DHX9: variants seen among roughly 807,000 people sequenced by gnomAD.
DHX9 encodes ATP-dependent RNA helicase A.
A neutral mutation model predicts 148.7 loss-of-function variants in DHX9; 27 were observed. That is an observed-to-expected ratio of 0.18 (90% CI 0.13 to 0.25). The LOEUF is 0.25. Ranked by LOEUF, DHX9 falls within the 10% of genes least tolerant of loss-of-function variation. The probability of loss-of-function intolerance (pLI) is 1.00; values close to 1 mark genes in which losing one functional copy is unlikely to be tolerated. For missense variants in DHX9, 796 were observed against 1,559.6 expected (o/e 0.51, Z 8.25); for synonymous variants, 529 against 516.6 (o/e 1.02, Z -0.33).
At chr1:182,863,617 G>A (rs1648098389) in intron 12 of DHX9, among the ~76,000 whole-genome samples, 1 of 152,218 alleles carries the variant, frequency 6.6e-6, no homozygotes, top group Non-Finnish European at 1.5e-5. Context: ...GAAGATCAAG[G>A]GAAAAGTGAT....
intron 21 of DHX9, among the ~76,000 whole-genome samples, chr1:182,880,213 T>TA (rs772390665): frequency 2.6e-5 from 4 of 152,212 alleles, no homozygotes; most frequent in African/African-American, 4.8e-5. Flanking sequence ...TGTAGAAACT[T>TA]ACGCTGCTAT....
chr1:182,869,287 C>T (rs73043170), intron 14 of DHX9, among the ~76,000 whole-genome samples: 2,934 of 150,496 alleles, frequency 0.019, 105 homozygotes, highest in African/African-American at 0.068. Context: ...CGGTCTTATC[C>T]GGTTCGGCCC....
chr1:182,886,537 T>TA (rs1181240749), intron 27 of DHX9, among the ~76,000 whole-genome samples: 1 of 152,152 alleles, frequency 6.6e-6, no homozygotes, highest in African/African-American at 2.4e-5. Flanking sequence ...TTGGTGGTGT[T>TA]ATTCTCGAAG....
At chr1:182,882,355 C>A (rs1649121942) in intron 24 of DHX9, among the ~76,000 whole-genome samples, 1 of 152,162 alleles carries the variant, frequency 6.6e-6, no homozygotes, top group Admixed American at 6.5e-5. Context: ...TATGTCTGTG[C>A]TTTCAGCGGT....
intron 4 of DHX9, 95 bp from the exon 5 acceptor site, chr1:182,853,211 C>A: frequency 1.2e-6 from 1 of 868,324 alleles, no homozygotes; most frequent in Non-Finnish European, 1.8e-6. Flanking sequence ...AGATGTGAGC[C>A]TCCATGCCCG....
At chr1:182,843,129 CT>C (rs1304491273) in intron 2 of DHX9, among the ~76,000 whole-genome samples, 164 bp from the exon 3 acceptor site, 2 of 152,136 alleles carry the variant, frequency 1.3e-5, no homozygotes, top group African/African-American at 2.4e-5. Flanking sequence ...ACAATTTAAG[CT>C]TTTTCAGTAG....
At chr1:182,843,255 C>G in intron 2 of DHX9, 39 bp from the exon 3 acceptor site, 1 of 1,495,344 alleles carries the variant, frequency 6.7e-7, no homozygotes, top group Non-Finnish European at 8.9e-7. Context: ...CTCAGAATTA[C>G]CCAGGTCAGT....
chr1:182,841,831 G>A lies in DHX9; in HGVS notation c.-22-714G>A, dbSNP rs923120888. The stretch of plus-strand genomic sequence containing the variant: ...ATTTTATAGACTTGTTGCACTTCAA[G>A]AAAACTTTAATATCCTCAAATTTTA... On this transcript the variant is annotated intron_variant, in intron 1 of 27. Coordinates refer to ENST00000367549, the MANE Select transcript of DHX9 (RefSeq NM_001357.5). Among the ~76,000 whole-genome samples, 18 of 152,190 alleles carry A rather than the reference G, an allele frequency of 1.2e-4. No individual in the cohort carries two copies. In the East Asian group the frequency reaches 2.7e-3, roughly 23 times the overall value.
At chr1:182,867,123 T>C (rs1211966055) in intron 14 of DHX9, 80 bp downstream of exon 14, 2 of 845,990 alleles carry the variant, frequency 2.4e-6, no homozygotes, top group South Asian at 2.7e-5. Flanking sequence ...TTGTTTTCCC[T>C]TTCCCCCGTT....
intron 20 of DHX9, 40 bp from the exon 21 acceptor site, chr1:182,879,210 A>G (rs1300478669): frequency 7.0e-7 from 1 of 1,419,894 alleles, no homozygotes; most frequent in East Asian, 2.4e-5. Flanking sequence ...ATCTGTGTAT[A>G]CACAAGGAGG....
At chr1:182,861,834 A>G (rs1457812197) in intron 12 of DHX9, among the ~76,000 whole-genome samples, 2 of 152,168 alleles carry the variant, frequency 1.3e-5, no homozygotes, top group Non-Finnish European at 2.9e-5. Flanking sequence ...TCAGTCTCAT[A>G]CCTCTTACCT....
chr1:182,874,560 C>T (rs749787649), intron 15 of DHX9, among the ~76,000 whole-genome samples: 2 of 152,118 alleles, frequency 1.3e-5, no homozygotes, highest in Non-Finnish European at 1.5e-5. Flanking sequence ...ATAACTCCCA[C>T]ACAATGGAAG....
chr1:182,852,011 C>T (rs1345169242), intron 3 of DHX9, among the ~76,000 whole-genome samples: 2 of 152,124 alleles, frequency 1.3e-5, no homozygotes, highest in Non-Finnish European at 2.9e-5. Flanking sequence ...TTTAGAAATA[C>T]AGTATTGTGA....
chr1:182,839,350 A>G lies in DHX9; in HGVS notation c.-129A>G, dbSNP rs916217333. 6.6e-6 allele frequency: 1 copy of G among 151,900 alleles called. No homozygotes were observed. 9.4% of individuals were successfully genotyped at this position (151,900 alleles called of 1,614,324 possible). A position where few individuals can be genotyped will look rare whatever the true frequency, so the allele number is the denominator to read the frequency against. Reference sequence around the variant, plus strand: ...GCCCCCTAGCGCCGCGGTCGGAGCCATTTCGCCGATTCCTCCATGCGAGTT... The same window carrying G: ...GCCCCCTAGCGCCGCGGTCGGAGCCGTTTCGCCGATTCCTCCATGCGAGTT... On this transcript the variant is annotated 5_prime_UTR_variant, in exon 1 of 28. Transcript: ENST00000367549.
intron 21 of DHX9, 111 bp from the exon 22 acceptor site, chr1:182,880,386 C>A: frequency 4.8e-6 from 3 of 629,906 alleles, no homozygotes; most frequent in Non-Finnish European, 8.1e-6. Context: ...TAGCGATTGG[C>A]TTGACAAAAG....
At chr1:182,866,723 T>C in intron 13 of DHX9, 138 bp downstream of exon 13, 4 of 1,146,938 alleles carry the variant, frequency 3.5e-6, no homozygotes, top group Non-Finnish European at 4.9e-6. Flanking sequence ...TTGGCAGTTT[T>C]TTCCTTCATG....
intron 12 of DHX9, among the ~76,000 whole-genome samples, chr1:182,863,711 C>T (rs1472649072): frequency 2.6e-5 from 4 of 152,096 alleles, no homozygotes; most frequent in Non-Finnish European, 5.9e-5. Context: ...GTCATTGATA[C>T]GCTCACGTTA....
chr1:182,842,875 T>C (rs1431051899), intron 2 of DHX9, among the ~76,000 whole-genome samples, 198 bp downstream of exon 2: 1 of 152,232 alleles, frequency 6.6e-6, no homozygotes, highest in Non-Finnish European at 1.5e-5. Context: ...ATTATTCTAA[T>C]TAGAGCCTAT....
chr1:182,872,444 C>T lies in DHX9; in HGVS notation c.1665C>T (p.Phe555=). 6.2e-7 allele frequency: 1 copy of T among 1,613,962 alleles called. No homozygotes were observed. The highest frequency in any genetic ancestry group is 8.5e-7 in the Non-Finnish European group (1 of 1,179,958). ...ATACCAGCATGTTTTGTGAATATTTCTTCAATTGCCCCATCATTGAAGTTT... is the reference window on the plus strand; with the variant it reads ...ATACCAGCATGTTTTGTGAATATTTTTTCAATTGCCCCATCATTGAAGTTT... The part of the protein sequence containing the change: ...TIDTSMFCEY[F]FNCPIIEVYG... Residue 555 remains phenylalanine (F), a synonymous_variant, in exon 15 of 28, where the codon TTC becomes TTT. Transcript: ENST00000367549.
Sources: gnomAD v4.1 joint callset for allele counts (sites outside exome capture counted in the v4.1 genomes callset) on GRCh38, gnomAD v4.1.1 for gene constraint, MANE v1.5 for transcripts, NCBI Gene and HGNC (gene_info 2026-07-23, HGNC 2026-07-21) for gene names.